Variants in COL2A1 observed in about 807,000 individuals in gnomAD.
COL2A1 encodes the protein collagen type II alpha 1 chain.
In COL2A1, 28 loss-of-function variants were observed where a neutral mutation model predicts 204.5. That is an observed-to-expected ratio of 0.14 (90% CI 0.10 to 0.19). COL2A1 has a LOEUF of 0.19. Ranked by LOEUF, COL2A1 falls within the 10% of genes least tolerant of loss-of-function variation. The pLI is 1.00. For synonymous variants in COL2A1, 708 were observed against 718.7 expected (o/e 0.99, Z 0.24); for missense variants, 1,388 against 2,027.5 (o/e 0.68, Z 6.06).
Position 47,982,472 on chromosome 12 carries a change from T to C in COL2A1, c.2301+30A>G, listed in dbSNP as rs969530095. On this transcript the variant is annotated intron_variant, in intron 34 of 53. Coordinates refer to ENST00000380518, the MANE Select transcript of COL2A1 (RefSeq NM_001844.5). ...GCAGGAATGTGGCAAAGCCACAGCT[T>C]TGGTGAGAGGCTGTAACCTCAGTAC... 5.1e-6 allele frequency: 8 copies of C among 1,565,632 alleles called. No individual in the cohort carries two copies. In the African/African-American group the frequency reaches 8.1e-5, roughly 16 times the overall value.
At position 47,980,471 on chromosome 12, in the gene COL2A1, T is replaced by G; in HGVS notation, c.2625+83A>C. 1 of 1,269,452 alleles carries G rather than the reference T, an allele frequency of 7.9e-7. No individual in the cohort carries two copies. 78.6% of individuals were successfully genotyped at this position (1,269,452 alleles called of 1,614,324 possible). A position where few individuals can be genotyped will look rare whatever the true frequency, so the allele number is the denominator to read the frequency against. ...GTTCCCAGGCCTGCGAACCATCCTC[T>G]GCGCAGCCTGCTGGGGCCTTCCCAT... is the stretch of plus-strand genomic sequence containing the variant. On this transcript the variant is annotated intron_variant, in intron 39 of 53. Transcript: ENST00000380518. This position sits in a 1 kb window ranked among gnomAD's most constrained non-coding sequence, Gnocchi z 4.5.
At chr12:47,997,358 C>T (rs1940009615) in intron 7 of COL2A1, among the ~76,000 whole-genome samples, 1 of 152,210 alleles carries the variant, frequency 6.6e-6, no homozygotes, top group Admixed American at 6.5e-5. Context: ...GTACAGATGC[C>T]AGGAAGCCAG....
intron 28 of COL2A1, 24 bp downstream of exon 28, chr12:47,984,522 T>A (rs770385131): frequency 1.9e-6 from 3 of 1,613,774 alleles, no homozygotes; most frequent in Non-Finnish European, 2.5e-6. Context: ...CACCAAGTCA[T>A]GGGCAGCGGG....
chr12:47,996,854 A>G (rs184013212), intron 7 of COL2A1, among the ~76,000 whole-genome samples: 2 of 152,380 alleles, frequency 1.3e-5, no homozygotes, highest in Admixed American at 1.3e-4. Flanking sequence ...GTGTTATTTG[A>G]GGAAGTATCA....
Position 47,978,508 on chromosome 12 carries a change from G to C in COL2A1, c.2895+89C>G. 1 of 1,583,312 alleles carries C rather than the reference G, an allele frequency of 6.3e-7. No homozygotes were observed. The highest frequency in any genetic ancestry group is 8.6e-7 in the Non-Finnish European group (1 of 1,160,284). ...GCTCCCTGGCATCCCCACGGCCCCT[G>C]CTCCCTCCTACCCCATGCTCTGTGA... On this transcript the variant is annotated intron_variant, in intron 42 of 53. Coordinates refer to ENST00000380518, the MANE Select transcript of COL2A1 (RefSeq NM_001844.5). The surrounding 1 kb of genome is among the most constrained non-coding windows in gnomAD (Gnocchi z 5.5).
At chr12:47,975,261 GC>G (rs36087308) in intron 51 of COL2A1, 55 bp downstream of exon 51, 4 of 1,600,858 alleles carry the variant, frequency 2.5e-6, no homozygotes, top group Non-Finnish European at 3.4e-6. Context: ...TTGCTGCTAG[GC>G]CTAAGGGATG....
chr12:48,004,735 C>A (rs1940398214), upstream of COL2A1, among the ~76,000 whole-genome samples: 1 of 152,120 alleles, frequency 6.6e-6, no homozygotes. Flanking sequence ...CCCTGCCCCC[C>A]AAACCCGGGG....
At chr12:47,999,847 A>G in intron 2 of COL2A1, 72 bp downstream of exon 2, 2 of 1,358,846 alleles carry the variant, frequency 1.5e-6, no homozygotes, top group South Asian at 1.2e-5. Context: ...GACGACCAGC[A>G]TCTATGGGAG....
chr12:48,004,557 C>G (rs897549220), upstream of COL2A1: 1 of 474,238 alleles, frequency 2.1e-6, no homozygotes, highest in East Asian at 4.0e-5. Flanking sequence ...GCGGGCCGCC[C>G]CCTGCCCCCC....
intron 1 of COL2A1, chr12:48,001,072 C>G (rs1389088198): frequency 6.6e-6 from 1 of 152,376 alleles, no homozygotes; most frequent in Non-Finnish European, 1.5e-5. Flanking sequence ...CCTCCACCAG[C>G]GCCCTGCCGT....
Position 47,976,123 on chromosome 12 carries a change from G to A in COL2A1, c.3490-53C>T. ...GAGTGGTCACCACAGGGAAGGCTGGGGAGTCGCTGGGGCTGGGTAGGTGGC... is the reference window on the plus strand; with the variant it reads ...GAGTGGTCACCACAGGGAAGGCTGGAGAGTCGCTGGGGCTGGGTAGGTGGC... On this transcript the variant is annotated intron_variant, in intron 49 of 53. Coordinates refer to ENST00000380518, the MANE Select transcript of COL2A1 (RefSeq NM_001844.5). The surrounding 1 kb of genome is among the most constrained non-coding windows in gnomAD (Gnocchi z 4.3). 1.5e-6 allele frequency: 2 copies of A among 1,322,750 alleles called. No individual in the cohort carries two copies. The highest frequency in any genetic ancestry group is 1.2e-5 in the South Asian group (1 of 85,282). 81.9% of individuals were successfully genotyped at this position (1,322,750 alleles called of 1,614,324 possible). A position where few individuals can be genotyped will look rare whatever the true frequency, so the allele number is the denominator to read the frequency against.
In COL2A1 at chr12:47,976,748, G is replaced by A. The variant is rs1938726130; in HGVS notation, c.3435+64C>T. Reference sequence around the variant, plus strand: ...TCCCAAGCTGTCCTGGCAGCACAGGGAGCTCAAGTGGGCTCTGTGTGGCAG... The same window carrying A: ...TCCCAAGCTGTCCTGGCAGCACAGGAAGCTCAAGTGGGCTCTGTGTGGCAG... On this transcript the variant is annotated intron_variant, in intron 48 of 53. Transcript: ENST00000380518. This position sits in a 1 kb window ranked among gnomAD's most constrained non-coding sequence, Gnocchi z 4.3. The A allele has an allele frequency of 2.0e-6, 3 of 1,487,686 alleles. No homozygotes were observed. The highest frequency in any genetic ancestry group is 1.8e-5 in the Admixed American group (1 of 55,444). The allele number at this position is 1,487,686 out of a possible 1,614,324, so 92.2% of individuals were successfully genotyped here. A position where few individuals can be genotyped will look rare whatever the true frequency, so the allele number is the denominator to read the frequency against.
intron 29 of COL2A1, 154 bp downstream of exon 29, chr12:47,983,933 C>G: frequency 7.5e-6 from 7 of 928,814 alleles, no homozygotes; most frequent in Non-Finnish European, 1.2e-5. Flanking sequence ...CACACAGCCT[C>G]CTGGGACACC....
intron 40 of COL2A1, 137 bp downstream of exon 40, chr12:47,979,872 G>C: frequency 2.5e-6 from 2 of 792,162 alleles, no homozygotes; most frequent in Non-Finnish European, 4.1e-6. Flanking sequence ...CCACCTGGCT[G>C]TGGGTGGGCT....
chr12:47,981,543 C>T (rs1565676052), intron 36 of COL2A1, 147 bp from the exon 37 acceptor site: 6 of 886,786 alleles, frequency 6.8e-6, no homozygotes, highest in South Asian at 4.5e-5. Context: ...AGCCCATACC[C>T]GCACCCTCTC....
Position 47,983,457 on chromosome 12 carries a change from A to G in COL2A1, c.1996-19T>C. The G allele has an allele frequency of 6.2e-7, 1 of 1,613,772 alleles. No individual in the cohort carries two copies. Among genetic ancestry groups the G allele is most frequent in the African/African-American group, 1.3e-5 (1 of 75,030 alleles). On this transcript the variant is annotated intron_variant, in intron 30 of 53. Coordinates refer to ENST00000380518, the MANE Select transcript of COL2A1 (RefSeq NM_001844.5). Reference sequence around the variant, plus strand: ...GAAGTCCCTAGAAGCCGAAGTGACAAGCGTTAGCAAAGGAGTGAGTTTGCT... The same window carrying G: ...GAAGTCCCTAGAAGCCGAAGTGACAGGCGTTAGCAAAGGAGTGAGTTTGCT...
chr12:47,977,968 C>G (rs762799374), intron 44 of COL2A1, 42 bp downstream of exon 44: 3 of 1,547,732 alleles, frequency 1.9e-6, no homozygotes, highest in African/African-American at 1.4e-5. Context: ...CACAGGGCCC[C>G]TCTCCCCAAT....
rs1592206028 is a variant in COL2A1 at position 47,980,162 on chromosome 12, G to A, written c.2626-100C>T. 2 of 1,138,030 alleles carry A rather than the reference G, an allele frequency of 1.8e-6. No homozygotes were observed. The highest frequency in any genetic ancestry group is 2.6e-6 in the Non-Finnish European group (2 of 772,822). 70.5% of individuals were successfully genotyped at this position (1,138,030 alleles called of 1,614,324 possible). A position where few individuals can be genotyped will look rare whatever the true frequency, so the allele number is the denominator to read the frequency against. On this transcript the variant is annotated intron_variant, in intron 39 of 53. Coordinates refer to ENST00000380518, the MANE Select transcript of COL2A1 (RefSeq NM_001844.5). This position sits in a 1 kb window ranked among gnomAD's most constrained non-coding sequence, Gnocchi z 4.5. ...ATGGACCCCTGAGGTTTTCGAAGAT[G>A]CAGCTTTCTTGGCACTAAAAACCCA...
chr12:47,980,657 G>T lies in COL2A1; in HGVS notation c.2522C>A (p.Ala841Asp). Residue 841 changes from alanine to aspartate, a missense_variant, in exon 39 of 54, where the codon GCT becomes GAT. Ala to Asp is a moderately radical substitution (Grantham distance 126, BLOSUM62 -2). Transcript: ENST00000380518. This position sits in a 1 kb window ranked among gnomAD's most constrained non-coding sequence, Gnocchi z 4.5. ...ACCCTTGGCCCCAGGCTGGCCATCA[G>T]CACCCTATAATGGGAAGGAGGAAGC... Reference protein sequence around the residue: ...GPAGFAGPPGADGQPGAKGEQ... With the variant: ...GPAGFAGPPGDDGQPGAKGEQ... The T allele has an allele frequency of 1.2e-6, 2 of 1,610,628 alleles. No individual in the cohort carries two copies. The highest frequency in any genetic ancestry group is 8.5e-7 in the Non-Finnish European group (1 of 1,178,560).
Sources: gnomAD v4.1 joint callset for allele counts (sites outside exome capture counted in the v4.1 genomes callset) on GRCh38, gnomAD v4.1.1 for gene constraint, Gnocchi (gnomAD v3.1) non-coding constraint, MANE v1.5 for transcripts, NCBI Gene and HGNC (gene_info 2026-07-23, HGNC 2026-07-21) for gene names.